Variants in ARHGEF10L observed in about 807,000 individuals in gnomAD.
ARHGEF10L encodes Rho guanine nucleotide exchange factor 10 like.
ARHGEF10L carries 69 observed loss-of-function variants against 141.2 expected under a neutral mutation model. That is an observed-to-expected ratio of 0.49 (90% confidence interval 0.40 to 0.60). The LOEUF is 0.60. Ranked by LOEUF, ARHGEF10L falls within the 20% of genes least tolerant of loss-of-function variation. The pLI is 0.00. For synonymous variants in ARHGEF10L, 711 were observed against 718.5 expected (o/e 0.99, Z 0.17); for missense variants, 1,482 against 1,734.3 (o/e 0.85, Z 2.58).
intron 2 of ARHGEF10L, among the ~76,000 whole-genome samples, chr1:17,584,252 C>T (rs1342659571): frequency 6.6e-6 from 1 of 152,082 alleles, no homozygotes; most frequent in African/African-American, 2.4e-5. Context: ...ACCATGTTAC[C>T]TGGGCTGGTC....
At chr1:17,658,788 G>C (rs1366149468) in intron 25 of ARHGEF10L, among the ~76,000 whole-genome samples, 1 of 152,098 alleles carries the variant, frequency 6.6e-6, no homozygotes, top group Non-Finnish European at 1.5e-5. Flanking sequence ...AAAGGAAAGA[G>C]TGTTGTGTGA....
chr1:17,693,555 G>A (rs2065255055), intron 27 of ARHGEF10L, among the ~76,000 whole-genome samples: 1 of 152,176 alleles, frequency 6.6e-6, no homozygotes, highest in Non-Finnish European at 1.5e-5. Flanking sequence ...AGGAGGGAGA[G>A]GTGATGGAAG....
intron 21 of ARHGEF10L, among the ~76,000 whole-genome samples, chr1:17,648,327 G>A (rs1441417026): frequency 6.6e-6 from 1 of 152,210 alleles, no homozygotes; most frequent in African/African-American, 2.4e-5. Flanking sequence ...GCGGTAGGGT[G>A]GTCAAGCTGG....
At chr1:17,620,198 T>G (rs908416437) in intron 10 of ARHGEF10L, among the ~76,000 whole-genome samples, 13 of 131,466 alleles carry the variant, frequency 9.9e-5, no homozygotes, top group Non-Finnish European at 1.8e-4. Flanking sequence ...CGAGTGAGAC[T>G]CTGTCTCAAA....
At chr1:17,539,318 G>A (rs985024057), upstream of ARHGEF10L, among the ~76,000 whole-genome samples, 5 of 152,226 alleles carry the variant, frequency 3.3e-5, no homozygotes, top group African/African-American at 2.4e-5. The surrounding 1 kb of genome is among the most constrained non-coding windows in gnomAD (Gnocchi z 6.0). Flanking sequence ...ACCCTTTTGG[G>A]GGAACCTCAG....
intron 3 of ARHGEF10L, 23 bp from the exon 4 acceptor site, chr1:17,588,423 C>G: frequency 6.2e-7 from 1 of 1,613,732 alleles, no homozygotes. Flanking sequence ...CTGACAGGCT[C>G]TCTGTCTGCT....
In ARHGEF10L at chr1:17,656,442, G is replaced by A. The variant is rs779001111; in HGVS notation, c.2706-112G>A. On this transcript the variant is annotated intron_variant, in intron 24 of 28. Transcript: ENST00000361221. The surrounding 1 kb of genome is among the most constrained non-coding windows in gnomAD (Gnocchi z 4.9). ...TGGCCTGGCCACACAGCCGAAAGGCGTGGCTGAGAGGGGTCAGCTCCCTGG... is the reference window on the plus strand; with the variant it reads ...TGGCCTGGCCACACAGCCGAAAGGCATGGCTGAGAGGGGTCAGCTCCCTGG... 1.8e-5 allele frequency: 24 copies of A among 1,336,844 alleles called. No individual in the cohort carries two copies. Among genetic ancestry groups the A allele is most frequent in the South Asian group, 7.1e-5 (5 of 70,570 alleles). The allele number at this position is 1,336,844 out of a possible 1,614,324, so 82.8% of individuals were successfully genotyped here. A position where few individuals can be genotyped will look rare whatever the true frequency, so the allele number is the denominator to read the frequency against.
chr1:17,587,365 C>A, intron 2 of ARHGEF10L, 95 bp from the exon 3 acceptor site: 1 of 1,282,598 alleles, frequency 7.8e-7, no homozygotes, highest in South Asian at 1.5e-5. Flanking sequence ...CTGAGGTGCT[C>A]ACCCAGTTCC....
chr1:17,655,749 G>C, intron 23 of ARHGEF10L, 130 bp from the exon 24 acceptor site: 1 of 799,256 alleles, frequency 1.3e-6, no homozygotes, highest in South Asian at 1.8e-5. Context: ...TGTGAAGGCA[G>C]GATGTGTGTG....
chr1:17,561,616 G>A (rs565916923), intron 1 of ARHGEF10L, among the ~76,000 whole-genome samples: 5 of 152,326 alleles, frequency 3.3e-5, no homozygotes, highest in Admixed American at 1.3e-4. Context: ...ACCCGATCCC[G>A]ATGCTGCACT....
chr1:17,687,771 G>A, intron 27 of ARHGEF10L, 24 bp downstream of exon 27: 2 of 1,554,980 alleles, frequency 1.3e-6, no homozygotes, highest in Non-Finnish European at 1.7e-6. Context: ...GGGCACGGGG[G>A]AGCGGACAGT....
intron 7 of ARHGEF10L, among the ~76,000 whole-genome samples, chr1:17,609,065 G>A (rs978841747): frequency 6.6e-6 from 1 of 152,242 alleles, no homozygotes; most frequent in East Asian, 1.9e-4. Context: ...TTACAGGTGT[G>A]AGCCACCATG....
intron 1 of ARHGEF10L, among the ~76,000 whole-genome samples, chr1:17,579,527 A>G (rs1191408419): frequency 1.3e-5 from 2 of 152,212 alleles, no homozygotes; most frequent in Non-Finnish European, 1.5e-5. Context: ...AGACGTTAAT[A>G]TTTGTAAAGT....
At chr1:17,637,862 C>T (rs780336456) in intron 18 of ARHGEF10L, 26 bp from the exon 19 acceptor site, 15 of 1,554,872 alleles carry the variant, frequency 9.6e-6, no homozygotes, top group Non-Finnish European at 1.2e-5. Context: ...TTCACCTGTG[C>T]CTGAGTTGGT....
chr1:17,669,684 T>A (rs572491140), intron 26 of ARHGEF10L, among the ~76,000 whole-genome samples: 1 of 152,316 alleles, frequency 6.6e-6, no homozygotes, highest in African/African-American at 2.4e-5. Flanking sequence ...CTTGTTTCCA[T>A]GAGCACGCCT....
At chr1:17,535,883 C>A (rs562085047), upstream of ARHGEF10L, among the ~76,000 whole-genome samples, 2 of 152,322 alleles carry the variant, frequency 1.3e-5, no homozygotes, top group South Asian at 4.1e-4. Context: ...GGATACCACC[C>A]GGAATGAGAC....
At chr1:17,513,669 C>A in the ARHGEF10L span, among the ~76,000 whole-genome samples, 1 of 152,082 alleles carries the variant, frequency 6.6e-6, no homozygotes, top group African/African-American at 2.4e-5. Flanking sequence ...GGATGATTCT[C>A]GCATGGGTCA....
chr1:17,696,934 C>T lies in ARHGEF10L; in HGVS notation c.3394C>T (p.Arg1132Trp), dbSNP rs146084681. Residue 1132 changes from arginine to tryptophan, a missense_variant, in exon 29 of 29, where the codon CGG becomes TGG. Physicochemically the swap from Arg to Trp is moderately radical, Grantham distance 101. This residue lies in a region of ARHGEF10L where 858 missense variants were observed against 966.3 expected (regional missense o/e 0.89). Coordinates refer to ENST00000361221, the MANE Select transcript of ARHGEF10L (RefSeq NM_018125.4). Reference protein sequence around the residue: ...ATSILAPDILRSDQEEAEGPR... With the variant: ...ATSILAPDILWSDQEEAEGPR... ...CAGCATCCTGGCCCCTGACATCCTG[C>T]GGAGTGACCAGGAGGAGGCTGAGGG... is the stretch of plus-strand genomic sequence containing the variant. 3.1e-6 allele frequency: 5 copies of T among 1,612,524 alleles called. No homozygotes were observed. Among genetic ancestry groups the T allele is most frequent in the East Asian group, 2.2e-5 (1 of 44,850 alleles).
chr1:17,658,678 C>T (rs948960688), intron 25 of ARHGEF10L, among the ~76,000 whole-genome samples: 19 of 152,078 alleles, frequency 1.2e-4, no homozygotes, highest in African/African-American at 4.3e-4. Context: ...ATGGACAGGC[C>T]GCCTGCTCTC....
Sources: allele counts gnomAD v4.1 joint callset (sites outside exome capture counted in the v4.1 genomes callset), GRCh38; gene constraint gnomAD v4.1.1; regional missense constraint gnomAD v4.1.1; non-coding constraint Gnocchi (gnomAD v3.1); transcripts MANE v1.5; gene names NCBI Gene and HGNC (gene_info 2026-07-23, HGNC 2026-07-21).